STXBP4: variants seen among roughly 807,000 people sequenced by gnomAD.
The protein encoded by STXBP4 is syntaxin-binding protein 4.
STXBP4 carries 55 observed loss-of-function variants against 76.1 expected under a neutral mutation model. The observed-to-expected ratio is 0.72, with a 90% CI of 0.58 to 0.91. The LOEUF (loss-of-function observed/expected upper bound fraction) is 0.91. Among genes scored for constraint, STXBP4 ranks in the 40% least tolerant of loss-of-function variants. STXBP4 has a pLI of 0.00. For synonymous variants in STXBP4, 201 were observed against 220.2 expected, an observed-to-expected ratio of 0.91 and a Z score of 0.77; for missense variants, 618 against 636.9, an observed-to-expected ratio of 0.97 and a Z score of 0.32.
chr17:55,061,342 C>G (rs1214300606), intron 12 of STXBP4, among the ~76,000 whole-genome samples: 1 of 152,092 alleles, frequency 6.6e-6, no homozygotes, highest in East Asian at 1.9e-4. Context: ...GCAGCAAAGC[C>G]TCTAATTTTC....
At chr17:54,971,635 C>T (rs986367709) in intron 1 of STXBP4, among the ~76,000 whole-genome samples, 5 of 152,146 alleles carry the variant, frequency 3.3e-5, no homozygotes, top group African/African-American at 1.2e-4. Context: ...TATTCATGGA[C>T]TCTACATAAA....
At position 55,031,251 on chromosome 17, in the gene STXBP4, A is replaced by G; in HGVS notation, c.750A>G (p.Thr250=). The G allele has an allele frequency of 1.2e-6, 2 of 1,611,878 alleles. No homozygotes were observed. The highest frequency in any genetic ancestry group is 1.7e-6 in the Non-Finnish European group (2 of 1,178,118). ...RQQVQADSKG[T]VSFGDFVQVA... ...AAGTACAAGCAGACTCAAAAGGGAC[A>G]GTGTCTTTTGGAGGTAATATTAGGT... The change falls in exon 9 of 18, where the codon ACA becomes ACG. Residue 250 remains threonine, a synonymous_variant. Coordinates refer to ENST00000376352, the MANE Select transcript of STXBP4 (RefSeq NM_178509.6).
the STXBP4 span, among the ~76,000 whole-genome samples, chr17:55,197,806 G>A: frequency 4.3e-3 from 655 of 152,250 alleles, 2 homozygotes; most frequent in Non-Finnish European, 6.2e-3. Flanking sequence ...AGCATTGTTG[G>A]GAAGAGCACA....
chr17:55,213,121 G>A, the STXBP4 span, among the ~76,000 whole-genome samples: 5 of 151,958 alleles, frequency 3.3e-5, no homozygotes, highest in African/African-American at 9.7e-5. Flanking sequence ...GAGTAGATGC[G>A]GTGGTTGGGA....
chr17:55,210,250 C>T, the STXBP4 span, among the ~76,000 whole-genome samples: 1 of 152,154 alleles, frequency 6.6e-6, no homozygotes, highest in African/African-American at 2.4e-5. Flanking sequence ...TGTTATTAAA[C>T]CCTAATGAGA....
intron 16 of STXBP4, among the ~76,000 whole-genome samples, chr17:55,138,269 A>T (rs1375099134): frequency 1.3e-5 from 2 of 152,114 alleles, no homozygotes; most frequent in Admixed American, 1.3e-4. Flanking sequence ...TGCTGAACAC[A>T]TAATAAAGGA....
intron 1 of STXBP4, among the ~76,000 whole-genome samples, chr17:54,981,874 T>TA (rs1037465525): frequency 7.2e-5 from 11 of 151,890 alleles, no homozygotes; most frequent in Non-Finnish European, 1.3e-4. Context: ...GCAAAAGATG[T>TA]AAAAAAAACA....
intron 12 of STXBP4, among the ~76,000 whole-genome samples, chr17:55,056,879 A>C (rs2078929967): frequency 6.6e-6 from 1 of 152,204 alleles, no homozygotes; most frequent in Non-Finnish European, 1.5e-5. Flanking sequence ...GAGTATTACA[A>C]ATAACAAAAG....
At chr17:54,976,439 C>G (rs879574899) in intron 1 of STXBP4, among the ~76,000 whole-genome samples, 2 of 152,192 alleles carry the variant, frequency 1.3e-5, no homozygotes, top group Admixed American at 1.3e-4. Flanking sequence ...GTTACTTTCT[C>G]AGGAAACCAA....
chr17:55,114,479 G>C (rs1213340909), intron 16 of STXBP4, among the ~76,000 whole-genome samples: 1 of 151,930 alleles, frequency 6.6e-6, no homozygotes, highest in Non-Finnish European at 1.5e-5. Context: ...TGACTGGATG[G>C]GCTGTTAACA....
intron 16 of STXBP4, among the ~76,000 whole-genome samples, chr17:55,125,500 A>AAAAAAAAAT (rs1459281293): frequency 6.7e-6 from 1 of 149,180 alleles, no homozygotes; most frequent in African/African-American, 2.5e-5. Context: ...AAAAAAAAAA[A>AAAAAAAAAT]TACAATTGAA....
At position 54,990,270 on chromosome 17, in the gene STXBP4, C is replaced by T. The variant is rs561077758; in HGVS notation, c.48-555C>T. Among the ~76,000 whole-genome samples the T allele has an allele frequency of 4.8e-5, 7 of 144,770 alleles. No individual in the cohort carries two copies. The South Asian group carries it at 6.4e-4, about 13-fold the overall frequency. 95.0% of individuals were successfully genotyped at this position (144,770 alleles called of 152,430 possible). A position where few individuals can be genotyped will look rare whatever the true frequency, so the allele number is the denominator to read the frequency against. ...CCTGGGCCACAGACTGGTAGTGGTCCGTAGTCTGTTAGGAATCAGGCGACA... is the reference window on the plus strand; with the variant it reads ...CCTGGGCCACAGACTGGTAGTGGTCTGTAGTCTGTTAGGAATCAGGCGACA... On this transcript the variant is annotated intron_variant, in intron 3 of 17. Coordinates refer to ENST00000376352, the MANE Select transcript of STXBP4 (RefSeq NM_178509.6).
rs1408878322 is a variant in STXBP4, at chr17:55,166,163, TC to T, written c.*6254del. On this transcript the variant is annotated 3_prime_UTR_variant, in exon 18 of 18. Coordinates refer to ENST00000376352, the MANE Select transcript of STXBP4 (RefSeq NM_178509.6). ...ACACTTTTGTCCTGTCTCTGCTTCTTCCTTAGGCAGCGATTTACCTAATTGG... is the reference window on the plus strand; with the variant it reads ...ACACTTTTGTCCTGTCTCTGCTTCTTCTTAGGCAGCGATTTACCTAATTGG... The T allele has an allele frequency of 3.3e-5, 5 of 152,226 alleles. No individual in the cohort carries two copies. Among genetic ancestry groups the T allele is most frequent in the Admixed American group, 6.5e-5 (1 of 15,288 alleles). 9.4% of individuals were successfully genotyped at this position (152,226 alleles called of 1,614,324 possible).
At chr17:55,125,342 G>A (rs1044111547) in intron 16 of STXBP4, among the ~76,000 whole-genome samples, 28 of 152,034 alleles carry the variant, frequency 1.8e-4, no homozygotes, top group African/African-American at 6.3e-4. Flanking sequence ...TGTAACATGA[G>A]ACAATTAGAG....
At position 55,062,027 on chromosome 17, in the gene STXBP4, G is replaced by A. The variant is rs565036329; in HGVS notation, c.1012-10873G>A. ...AAGTGGGAGGATTGCTTCAGACCAA[G>A]AGGTCAAAATCAGCCTGGGCAACCA... On this transcript the variant is annotated intron_variant, in intron 12 of 17. Coordinates refer to ENST00000376352, the MANE Select transcript of STXBP4 (RefSeq NM_178509.6). 1.6e-4 allele frequency among the ~76,000 whole-genome samples: 25 copies of A among 152,084 alleles called. No homozygotes were observed. In the South Asian group the frequency reaches 2.9e-3, roughly 18 times the overall value.
chr17:55,137,204 T>C (rs570420043), intron 16 of STXBP4, among the ~76,000 whole-genome samples: 6 of 152,264 alleles, frequency 3.9e-5, no homozygotes, highest in African/African-American at 1.4e-4. Context: ...ATTTATGTGA[T>C]GAATGTTATA....
the STXBP4 span, among the ~76,000 whole-genome samples, chr17:55,194,645 C>T: frequency 6.6e-6 from 1 of 152,178 alleles, no homozygotes; most frequent in Non-Finnish European, 1.5e-5. Context: ...TTTACTGATG[C>T]AGACAGACAG....
intron 3 of STXBP4, 82 bp downstream of exon 3, chr17:54,986,348 A>G: frequency 3.8e-6 from 4 of 1,047,698 alleles, no homozygotes; most frequent in Non-Finnish European, 5.7e-6. Flanking sequence ...AAGTTTTTTT[A>G]CATCTAGCTC....
chr17:54,984,083 G>A (rs1300043581), intron 1 of STXBP4, among the ~76,000 whole-genome samples: 6 of 152,126 alleles, frequency 3.9e-5, no homozygotes, highest in Admixed American at 1.3e-4. Context: ...TACAGAGGGC[G>A]TGAAAGTCGA....
Sources: allele counts gnomAD v4.1 joint callset (sites outside exome capture counted in the v4.1 genomes callset), GRCh38; gene constraint gnomAD v4.1.1; transcripts MANE v1.5; gene names NCBI Gene and HGNC (gene_info 2026-07-23, HGNC 2026-07-21).